ZFHX3: variants seen among roughly 807,000 people sequenced by gnomAD.
The protein encoded by ZFHX3 is zinc finger homeobox 3, also known as zinc finger homeobox protein 3.
ZFHX3 carries 42 observed loss-of-function variants against 279.1 expected under a neutral mutation model. The observed-to-expected ratio is 0.15, with a 90% CI of 0.12 to 0.19. ZFHX3 has a LOEUF of 0.19. Ranked by LOEUF, ZFHX3 falls within the 10% of genes least tolerant of loss-of-function variation. The probability of loss-of-function intolerance (pLI) is 1.00; values close to 1 mark genes in which losing one functional copy is unlikely to be tolerated. For synonymous variants in ZFHX3, 2,293 were observed against 1,957.8 expected (o/e 1.17, Z -4.52); for missense variants, 4,981 against 4,754.0 (o/e 1.05, Z -1.40).
intron 2 of ZFHX3, among the ~76,000 whole-genome samples, chr16:73,638,961 AAG>A (rs1240005085): frequency 2.0e-5 from 3 of 152,190 alleles, no homozygotes; most frequent in African/African-American, 7.2e-5. Context: ...CTGAAAAGAG[AAG>A]AGAGAAGCAA....
Position 72,788,582 on chromosome 16 carries a change from G to A in ZFHX3, c.9694C>T (p.Arg3232Cys), listed in dbSNP as rs1273492220. 8 of 1,613,936 alleles carry A rather than the reference G, an allele frequency of 5.0e-6. No homozygotes were observed. The highest frequency in any genetic ancestry group is 2.2e-5 in the East Asian group (1 of 44,848). Residue 3232 changes from arginine (R) to cysteine (C), a missense_variant, in exon 10 of 10, where the codon CGC (arginine) becomes TGC (cysteine). Arg to Cys is a radical substitution (Grantham distance 180). Around this residue, in one of 7 missense-constraint regions of ZFHX3, gnomAD observed 1,034 missense variants for 786.0 expected, o/e 1.32. Coordinates refer to ENST00000268489, the MANE Select transcript of ZFHX3 (RefSeq NM_006885.4). ...PQLPLQQQQQ[R>C]KDKDSEKVKE... ...ACTTTCTCACTGTCTTTGTCCTTGCGTTGCTGCTGCTGTTGCAGTGGGAGC... is the reference window on the plus strand; with the variant it reads ...ACTTTCTCACTGTCTTTGTCCTTGCATTGCTGCTGCTGTTGCAGTGGGAGC...
At chr16:73,862,586 G>C (rs1961912149) in intron 1 of ZFHX3, among the ~76,000 whole-genome samples, 1 of 152,104 alleles carries the variant, frequency 6.6e-6, no homozygotes, top group South Asian at 2.1e-4. Flanking sequence ...ACCACACTAG[G>C]CAACACAGTA....
intron 2 of ZFHX3, among the ~76,000 whole-genome samples, chr16:73,562,284 G>C (rs1185975153): frequency 1.3e-5 from 2 of 152,134 alleles, no homozygotes; most frequent in East Asian, 1.9e-4. Flanking sequence ...GGCCACAGTG[G>C]TGTGTCCATC....
rs562762244 is a variant in ZFHX3 at position 73,658,910 on chromosome 16, C to T, written c.-1547+21270G>A. 6.6e-5 allele frequency among the ~76,000 whole-genome samples: 10 copies of T among 152,052 alleles called. No individual in the cohort carries two copies. In the East Asian group the frequency reaches 9.7e-4, roughly 15 times the overall value. ...CTTAAAAATAAACATAAATAATGGA[C>T]GCATTATTTACCAAGAACTACTATA... On this transcript the variant is annotated intron_variant, in intron 2 of 17. Coordinates refer to the ZFHX3 transcript ENST00000641206.
rs568638106 is a variant in ZFHX3, at chr16:72,918,695, C to CTT, written c.3217-28735_3217-28734dup. ...CTATGACCTTTGTTTAAAGGTAGTT[C>CTT]TTTTTTTTTTTTTTTTTTTAAATGG... On this transcript the variant is annotated intron_variant, in intron 3 of 9. Transcript: ENST00000268489. Among the ~76,000 whole-genome samples the CTT allele has an allele frequency of 1.4e-3, 181 of 130,678 alleles. 1 individual carries two copies. The Middle Eastern group carries it at 0.025, about 18-fold the overall frequency. 85.7% of individuals were successfully genotyped at this position (130,678 alleles called of 152,430 possible).
chr16:73,249,661 A>G (rs531524342), intron 5 of ZFHX3, among the ~76,000 whole-genome samples: 37 of 152,198 alleles, frequency 2.4e-4, no homozygotes, highest in Admixed American at 1.9e-3. Context: ...CAGCCAAACC[A>G]TATCAGAGAT....
At chr16:73,571,027 T>C (rs2051729244) in intron 2 of ZFHX3, among the ~76,000 whole-genome samples, 1 of 151,706 alleles carries the variant, frequency 6.6e-6, no homozygotes, top group Admixed American at 6.6e-5. Context: ...GTGATATGAC[T>C]AGACATATAG....
At chr16:72,791,607 T>G (rs1016809151) in intron 9 of ZFHX3, 1 of 152,180 alleles carries the variant, frequency 6.6e-6, no homozygotes, top group Non-Finnish European at 1.5e-5. Context: ...GCGGAATAAA[T>G]CATACATTCT....
chr16:73,477,661 C>T (rs374521022), intron 2 of ZFHX3, among the ~76,000 whole-genome samples: 1 of 152,202 alleles, frequency 6.6e-6, no homozygotes, highest in African/African-American at 2.4e-5. Context: ...GCACTCTGCA[C>T]TGGTAGCCGG....
chr16:72,927,533 G>A (rs1002230492), intron 3 of ZFHX3, among the ~76,000 whole-genome samples: 3 of 152,188 alleles, frequency 2.0e-5, no homozygotes, highest in African/African-American at 4.8e-5. Flanking sequence ...TTGGGGGAAC[G>A]TTCAGCCACC....
chr16:73,819,142 G>GTCTGAGA (rs1960663593), intron 1 of ZFHX3, among the ~76,000 whole-genome samples: 1 of 152,002 alleles, frequency 6.6e-6, no homozygotes, highest in South Asian at 2.1e-4. Context: ...GCATAGCAAT[G>GTCTGAGA]TCTGAGATTC....
intron 5 of ZFHX3, among the ~76,000 whole-genome samples, chr16:73,245,435 C>T (rs1260848817): frequency 6.6e-6 from 1 of 152,120 alleles, no homozygotes; most frequent in Non-Finnish European, 1.5e-5. Context: ...GCATGGGGCC[C>T]ACATTCCAAA....
At chr16:72,968,086 T>G (rs1472240494) in intron 1 of ZFHX3, among the ~76,000 whole-genome samples, 1 of 151,506 alleles carries the variant, frequency 6.6e-6, no homozygotes, top group Non-Finnish European at 1.5e-5. Flanking sequence ...TGATCAAAGT[T>G]CCCATCACCA....
intron 1 of ZFHX3, among the ~76,000 whole-genome samples, chr16:73,882,289 T>C (rs1423932841): frequency 6.6e-6 from 1 of 151,958 alleles, no homozygotes; most frequent in Non-Finnish European, 1.5e-5. Context: ...TGGCTTTCAG[T>C]GTGGCTGGAG....
intron 3 of ZFHX3, among the ~76,000 whole-genome samples, chr16:73,320,851 T>C (rs1238280940): frequency 6.6e-6 from 1 of 152,176 alleles, no homozygotes; most frequent in Non-Finnish European, 1.5e-5. Context: ...AAGTGAAGCC[T>C]TCACACCGGC....
intron 2 of ZFHX3, among the ~76,000 whole-genome samples, chr16:73,638,677 T>C (rs2052548564): frequency 6.6e-6 from 1 of 152,216 alleles, no homozygotes; most frequent in Non-Finnish European, 1.5e-5. Flanking sequence ...GCCAAGTGTC[T>C]GTGTTTCTCT....
chr16:73,775,454 C>T (rs1025168536), intron 1 of ZFHX3, among the ~76,000 whole-genome samples: 39 of 152,076 alleles, frequency 2.6e-4, no homozygotes, highest in Admixed American at 2.1e-3. Flanking sequence ...AGCTGCAGCA[C>T]GATAATTCTT....
At chr16:73,367,803 C>T (rs1178390344) in intron 3 of ZFHX3, among the ~76,000 whole-genome samples, 1 of 151,626 alleles carries the variant, frequency 6.6e-6, no homozygotes, top group Non-Finnish European at 1.5e-5. Context: ...TGTATGGCAC[C>T]AAACACAAGA....
At chr16:73,882,669 C>T (rs1190406862) in intron 1 of ZFHX3, among the ~76,000 whole-genome samples, 1 of 151,952 alleles carries the variant, frequency 6.6e-6, no homozygotes, top group African/African-American at 2.4e-5. Context: ...TTTAAATTAC[C>T]CACATCAACC....
Sources: gnomAD v4.1 joint callset for allele counts (sites outside exome capture counted in the v4.1 genomes callset) on GRCh38, gnomAD v4.1.1 for gene constraint, gnomAD v4.1.1 regional missense constraint, MANE v1.5 for transcripts, NCBI Gene and HGNC (gene_info 2026-07-23, HGNC 2026-07-21) for gene names.